BTC: variants seen among roughly 807,000 people sequenced by gnomAD.
BTC encodes the protein probetacellulin.
BTC carries 13 observed loss-of-function variants against 18.1 expected under a neutral mutation model. The ratio of observed to expected loss-of-function variants is 0.72; its 90% CI spans 0.47 to 1.14. The LOEUF is 1.14. Among genes scored for constraint, BTC ranks in the 50% most tolerant of loss-of-function variants. The pLI is 0.00. For synonymous variants in BTC, 83 were observed against 79.4 expected, an observed-to-expected ratio of 1.05 and a Z score of -0.24; for missense variants, 247 against 224.2, an observed-to-expected ratio of 1.10 and a Z score of -0.65.
intron 1 of BTC, among the ~76,000 whole-genome samples, chr4:74,774,151 TA>T (rs1300228432): frequency 6.6e-6 from 1 of 152,244 alleles, no homozygotes; most frequent in Non-Finnish European, 1.5e-5. Context: ...CAGCAGTGGA[TA>T]ATATTTATGT....
chr4:74,767,548 T>A (rs972529498), intron 2 of BTC, among the ~76,000 whole-genome samples: 3 of 152,068 alleles, frequency 2.0e-5, no homozygotes, highest in African/African-American at 7.2e-5. Context: ...CAATGACTTT[T>A]TTTTTTACAG....
chr4:74,787,642 T>A (rs7692503), intron 1 of BTC, among the ~76,000 whole-genome samples: 27,010 of 152,168 alleles, frequency 0.18, 3,962 homozygotes, highest in African/African-American at 0.41. Flanking sequence ...GGTCTGGCAC[T>A]GCCTAAGATC....
At chr4:74,766,107 T>A (rs1048820090) in intron 2 of BTC, among the ~76,000 whole-genome samples, 20 of 152,136 alleles carry the variant, frequency 1.3e-4, no homozygotes, top group African/African-American at 4.8e-4. Context: ...AAATAGTATA[T>A]CTGTATAAGG....
rs1214695526 is a variant in BTC, at chr4:74,750,486, G to C, written c.428+87C>G. 7 of 1,361,500 alleles carry C rather than the reference G, an allele frequency of 5.1e-6. No individual in the cohort carries two copies. The African/African-American group carries it at 1.0e-4, about 20-fold the overall frequency. The allele number at this position is 1,361,500 out of a possible 1,614,324, so 84.3% of individuals were successfully genotyped here. On this transcript the variant is annotated intron_variant, in intron 4 of 5. Transcript: ENST00000395743. The stretch of plus-strand genomic sequence containing the variant: ...TATTTGAATCAAAGAAAAAGCAAAA[G>C]AGAATGTAAAGAGGAAGAAAAGAAG...
At chr4:74,751,495 C>T (rs1171394619) in intron 3 of BTC, among the ~76,000 whole-genome samples, 1 of 152,098 alleles carries the variant, frequency 6.6e-6, no homozygotes, top group Non-Finnish European at 1.5e-5. Flanking sequence ...TCCCTTTTTT[C>T]CATGGCCTTC....
At chr4:74,781,079 C>G (rs1392852091) in intron 1 of BTC, among the ~76,000 whole-genome samples, 1 of 152,006 alleles carries the variant, frequency 6.6e-6, no homozygotes, top group Non-Finnish European at 1.5e-5. Flanking sequence ...ACTCCCTACC[C>G]AGCTTAGGAA....
Position 74,794,440 on chromosome 4 carries a change from G to C in BTC, c.-115C>G, listed in dbSNP as rs1725720155. On this transcript the variant is annotated 5_prime_UTR_variant, in exon 1 of 6. Coordinates refer to ENST00000395743, the MANE Select transcript of BTC (RefSeq NM_001729.4). ...CTGGAAACTAATCCCGGAGGCAGAA[G>C]GAAACGAAACTACTTCCCAGGCTGG... 8.3e-7 allele frequency: 1 copy of C among 1,207,482 alleles called. No individual in the cohort carries two copies. Among genetic ancestry groups the C allele is most frequent in the Non-Finnish European group, 1.1e-6 (1 of 897,438 alleles). The allele number at this position is 1,207,482 out of a possible 1,614,324, so 74.8% of individuals were successfully genotyped here.
chr4:74,768,240 C>T (rs1196075737), intron 2 of BTC, among the ~76,000 whole-genome samples: 2 of 152,096 alleles, frequency 1.3e-5, no homozygotes, highest in South Asian at 2.1e-4. Context: ...AGAACTCTCA[C>T]AATTCAATAA....
chr4:74,763,192 C>T (rs1173948401), intron 2 of BTC, among the ~76,000 whole-genome samples: 2 of 152,068 alleles, frequency 1.3e-5, no homozygotes, highest in Non-Finnish European at 2.9e-5. Context: ...CAGAAAAATA[C>T]TAAATAATTT....
intron 1 of BTC, among the ~76,000 whole-genome samples, chr4:74,788,378 C>T (rs1712416721): frequency 6.6e-6 from 1 of 152,062 alleles, no homozygotes; most frequent in Admixed American, 6.5e-5. Context: ...GTGAATTTTC[C>T]CCTAATCACT....
At chr4:74,780,159 T>C (rs1160662585) in intron 1 of BTC, among the ~76,000 whole-genome samples, 3 of 152,160 alleles carry the variant, frequency 2.0e-5, no homozygotes, top group Admixed American at 1.3e-4. Context: ...AATAATTCAA[T>C]TGATTTCATT....
At chr4:74,785,672 G>T (rs147906941) in intron 1 of BTC, among the ~76,000 whole-genome samples, 418 of 152,284 alleles carry the variant, frequency 2.7e-3, no homozygotes, top group African/African-American at 9.4e-3. Flanking sequence ...CAGAAAAGTT[G>T]CAAAGTGCAG....
At chr4:74,775,341 C>G (rs1176041985) in intron 1 of BTC, among the ~76,000 whole-genome samples, 1 of 151,886 alleles carries the variant, frequency 6.6e-6, no homozygotes, top group South Asian at 2.1e-4. Flanking sequence ...TTTAAAGGAA[C>G]GTACATTATT....
chr4:74,750,640 C>G lies in BTC; in HGVS notation c.361G>C (p.Val121Leu). The change falls in exon 4 of 6, where the codon GTG becomes CTG. Residue 121 changes from valine (V) to leucine (L), a missense_variant. Physicochemically the swap from Val to Leu is conservative, Grantham distance 32. Transcript: ENST00000395743. ...YLRGDRGQIL[V>L]ICLIAVMVVF... ...ACCATAACTGCTATCAAACAAATCACCAGAATCTGTCCTCTGTCTCCTCTT... is the reference window on the plus strand; with the variant it reads ...ACCATAACTGCTATCAAACAAATCAGCAGAATCTGTCCTCTGTCTCCTCTT... 1 of 1,613,914 alleles carries G rather than the reference C, an allele frequency of 6.2e-7. No individual in the cohort carries two copies. The highest frequency in any genetic ancestry group is 8.5e-7 in the Non-Finnish European group (1 of 1,179,946).
chr4:74,759,743 G>A (rs1724702377), intron 2 of BTC, among the ~76,000 whole-genome samples: 1 of 151,934 alleles, frequency 6.6e-6, no homozygotes, highest in African/African-American at 2.4e-5. Flanking sequence ...GGAATCGGAA[G>A]TAAGGACATC....
chr4:74,771,784 A>G (rs892458890), intron 1 of BTC, among the ~76,000 whole-genome samples: 12 of 152,238 alleles, frequency 7.9e-5, no homozygotes, highest in African/African-American at 2.2e-4. Context: ...AAATACACAC[A>G]CAATGTATAA....
intron 1 of BTC, among the ~76,000 whole-genome samples, chr4:74,790,479 G>C (rs765429074): frequency 6.6e-6 from 1 of 152,160 alleles, no homozygotes; most frequent in South Asian, 2.1e-4. Context: ...CTGGTTCAGA[G>C]TTTACAGGCT....
At chr4:74,784,949 T>A (rs1340768181) in intron 1 of BTC, among the ~76,000 whole-genome samples, 2 of 152,214 alleles carry the variant, frequency 1.3e-5, no homozygotes, top group Non-Finnish European at 2.9e-5. Flanking sequence ...TAGAATGAGT[T>A]AGGAAGTAAT....
At chr4:74,779,508 G>C (rs185931684) in intron 1 of BTC, among the ~76,000 whole-genome samples, 1 of 152,236 alleles carries the variant, frequency 6.6e-6, no homozygotes, top group East Asian at 1.9e-4. Flanking sequence ...AGGCAGTTAG[G>C]CATTGTGACA....
Sources: gnomAD v4.1 joint callset for allele counts (sites outside exome capture counted in the v4.1 genomes callset) on GRCh38, gnomAD v4.1.1 for gene constraint, MANE v1.5 for transcripts, NCBI Gene and HGNC (gene_info 2026-07-23, HGNC 2026-07-21) for gene names.